TBC1D5: variants seen among roughly 807,000 people sequenced by gnomAD.
TBC1D5 encodes TBC1 domain family member 5.
A neutral mutation model predicts 100.3 loss-of-function variants in TBC1D5; 75 were observed. The ratio of observed to expected loss-of-function variants is 0.75; its 90% CI spans 0.62 to 0.91. TBC1D5 has a LOEUF of 0.91. TBC1D5 is among the 40% of genes least tolerant of loss of function. TBC1D5 has a pLI of 0.00. For missense variants in TBC1D5, 910 were observed against 942.4 expected, an observed-to-expected ratio of 0.97 and a Z score of 0.45; for synonymous variants, 323 against 325.6, an observed-to-expected ratio of 0.99 and a Z score of 0.09.
chr3:17,600,938 A>C (rs2060897844), intron 2 of TBC1D5, among the ~76,000 whole-genome samples: 1 of 152,230 alleles, frequency 6.6e-6, no homozygotes, highest in Admixed American at 6.5e-5. Context: ...TAAGGAAGTG[A>C]TAGTAAATTC....
chr3:17,344,808 C>G (rs1449524325), intron 13 of TBC1D5, among the ~76,000 whole-genome samples: 1 of 152,154 alleles, frequency 6.6e-6, no homozygotes, highest in Non-Finnish European at 1.5e-5. Context: ...GAAAAACAAG[C>G]AATGGAGAAA....
At chr3:17,404,521 A>G (rs2093720195) in intron 7 of TBC1D5, among the ~76,000 whole-genome samples, 173 bp downstream of exon 7, 1 of 152,068 alleles carries the variant, frequency 6.6e-6, no homozygotes. Context: ...TCTACAACAC[A>G]GTATATATAT....
Position 17,404,979 on chromosome 3 carries a change from A to G in TBC1D5, c.277-18T>C. On this transcript the variant is annotated intron_variant, in intron 5 of 21. Coordinates refer to ENST00000253692, the Ensembl canonical transcript of TBC1D5. ...AGAAATAGCTGTCAAGAAAAACAGA[A>G]GAAACTTTTGTAAAAATCTTAAGAT... 6.6e-7 allele frequency: 1 copy of G among 1,513,628 alleles called. No individual in the cohort carries two copies. The highest frequency in any genetic ancestry group is 9.0e-7 in the Non-Finnish European group (1 of 1,116,204). The allele number at this position is 1,513,628 out of a possible 1,614,324, so 93.8% of individuals were successfully genotyped here.
At chr3:17,379,346 T>C (rs1349452417) in intron 9 of TBC1D5, among the ~76,000 whole-genome samples, 1 of 152,018 alleles carries the variant, frequency 6.6e-6, no homozygotes, top group Non-Finnish European at 1.5e-5. Flanking sequence ...TTGAAAGAAA[T>C]AGTGCTTTTT....
chr3:17,193,787 T>C (rs2070285141), intron 18 of TBC1D5, among the ~76,000 whole-genome samples: 1 of 152,218 alleles, frequency 6.6e-6, no homozygotes, highest in Admixed American at 6.5e-5. Flanking sequence ...AGTGACCTTA[T>C]AGCGTTGCTT....
At chr3:17,469,160 A>C (rs1479928686) in intron 3 of TBC1D5, among the ~76,000 whole-genome samples, 1 of 151,294 alleles carries the variant, frequency 6.6e-6, no homozygotes, top group Non-Finnish European at 1.5e-5. Context: ...CCAAGAACTG[A>C]AAAAAAAATT....
chr3:17,325,002 T>C (rs2085906166), intron 13 of TBC1D5, among the ~76,000 whole-genome samples: 1 of 152,198 alleles, frequency 6.6e-6, no homozygotes, highest in Non-Finnish European at 1.5e-5. Context: ...CTGATGGTAA[T>C]ACAAAATAGC....
At chr3:17,180,104 T>C (rs910657997) in intron 19 of TBC1D5, among the ~76,000 whole-genome samples, 4 of 152,200 alleles carry the variant, frequency 2.6e-5, no homozygotes, top group African/African-American at 7.2e-5. Flanking sequence ...AGAGTAACCA[T>C]AGCAACAGAA....
chr3:17,677,905 C>T lies in TBC1D5; in HGVS notation c.-100-53992G>A, dbSNP rs562503567. ...GCAAACTATCACAAGGTCAAAAAAACCAAACACTGCATGTTCTCACTCATA... is the reference window on the plus strand; with the variant it reads ...GCAAACTATCACAAGGTCAAAAAAATCAAACACTGCATGTTCTCACTCATA... On this transcript the variant is annotated intron_variant, in intron 1 of 21. Transcript: ENST00000253692. Among the ~76,000 whole-genome samples the T allele has an allele frequency of 2.6e-5, 4 of 152,176 alleles. No homozygotes were observed. The South Asian group carries it at 8.3e-4, about 32-fold the overall frequency.
intron 1 of TBC1D5, among the ~76,000 whole-genome samples, chr3:17,713,987 G>T (rs1486374938): frequency 6.6e-6 from 1 of 152,116 alleles, no homozygotes; most frequent in African/African-American, 2.4e-5. Context: ...TCAAGAGAAA[G>T]GCAACTTCAA....
intron 2 of TBC1D5, among the ~76,000 whole-genome samples, chr3:17,525,373 TA>T (rs2096120885): frequency 6.6e-6 from 1 of 152,132 alleles, no homozygotes; most frequent in Non-Finnish European, 1.5e-5. Context: ...TCAGGTGATC[TA>T]CCTGCCTCGG....
At position 17,657,378 on chromosome 3, in the gene TBC1D5, G is replaced by A. The variant is rs564944292; in HGVS notation, c.-100-33465C>T. ...GGGGGACAGAGTCTCACTCTGTCGC[G>A]AGGCTGGAGTGCAGTGGCGCAATCT... On this transcript the variant is annotated intron_variant, in intron 1 of 21. Transcript: ENST00000253692. 5.5e-4 allele frequency among the ~76,000 whole-genome samples: 79 copies of A among 143,022 alleles called. 1 individual carries two copies. The highest frequency in any genetic ancestry group is 2.8e-3 in the Admixed American group (39 of 13,724). The allele number at this position is 143,022 out of a possible 152,430, so 93.8% of individuals were successfully genotyped here.
chr3:17,726,556 G>C (rs1469777845), intron 1 of TBC1D5, among the ~76,000 whole-genome samples: 2 of 152,132 alleles, frequency 1.3e-5, no homozygotes, highest in Non-Finnish European at 2.9e-5. Flanking sequence ...TTTTTAATGG[G>C]ATTGTTTGTT....
chr3:17,741,572 G>C (rs2077439034), upstream of TBC1D5, among the ~76,000 whole-genome samples: 1 of 152,142 alleles, frequency 6.6e-6, no homozygotes, highest in Non-Finnish European at 1.5e-5. Flanking sequence ...AAAATCTTAG[G>C]ATTTTGTCCA....
chr3:17,700,840 G>T (rs771505002), intron 1 of TBC1D5, among the ~76,000 whole-genome samples: 11 of 152,154 alleles, frequency 7.2e-5, no homozygotes, highest in Non-Finnish European at 1.0e-4. Context: ...ACAGGTGCTG[G>T]AGAGGATGTG....
At chr3:17,516,172 A>G (rs1214377469) in intron 2 of TBC1D5, among the ~76,000 whole-genome samples, 2 of 152,062 alleles carry the variant, frequency 1.3e-5, no homozygotes, top group Non-Finnish European at 2.9e-5. Flanking sequence ...CCAACATTCA[A>G]CTTTTCCTTT....
chr3:17,484,455 GGTGTGT>G (rs34847216), intron 3 of TBC1D5, among the ~76,000 whole-genome samples: 90 of 111,536 alleles, frequency 8.1e-4, no homozygotes, highest in South Asian at 4.6e-3. Context: ...GTAACACCAG[GGTGTGT>G]GTGTGTGTGT....
intron 1 of TBC1D5, among the ~76,000 whole-genome samples, chr3:17,661,908 T>A (rs1243528235): frequency 6.6e-6 from 1 of 151,992 alleles, no homozygotes; most frequent in Admixed American, 6.6e-5. Flanking sequence ...CCTTTTTTTT[T>A]AAGACAGGGT....
intron 2 of TBC1D5, among the ~76,000 whole-genome samples, chr3:17,560,907 C>G (rs1359252071): frequency 1.3e-5 from 2 of 148,230 alleles, no homozygotes; most frequent in African/African-American, 5.0e-5. Context: ...GGCGACAGAG[C>G]AAGACTCCAT....
Sources: gnomAD v4.1 joint callset for allele counts (sites outside exome capture counted in the v4.1 genomes callset) on GRCh38, gnomAD v4.1.1 for gene constraint, MANE v1.5 for transcripts, NCBI Gene and HGNC (gene_info 2026-07-23, HGNC 2026-07-21) for gene names.